Variants in ARID1A observed in about 807,000 individuals in gnomAD.
ARID1A encodes the protein AT-rich interactive domain-containing protein 1A.
In ARID1A, 20 loss-of-function variants were observed where a neutral mutation model predicts 212.6. The ratio of observed to expected loss-of-function variants is 0.09; its 90% CI spans 0.07 to 0.14. ARID1A has a LOEUF of 0.14. ARID1A is among the 10% of genes least tolerant of loss of function. The probability of loss-of-function intolerance (pLI) is 1.00; values close to 1 mark genes in which losing one functional copy is unlikely to be tolerated. For synonymous variants in ARID1A, 1,376 were observed against 1,222.1 expected (o/e 1.13, Z -2.63); for missense variants, 2,587 against 3,059.0 (o/e 0.85, Z 3.64).
chr1:26,712,162 C>T (rs918025014), intron 1 of ARID1A, among the ~76,000 whole-genome samples: 3 of 152,176 alleles, frequency 2.0e-5, no homozygotes, highest in African/African-American at 7.2e-5. Flanking sequence ...GAAAGTGATT[C>T]TTGAAAATGC....
intron 11 of ARID1A, chr1:26,769,625 C>G (rs952849462): frequency 6.6e-6 from 1 of 152,260 alleles, no homozygotes; most frequent in Admixed American, 6.5e-5. Context: ...CCCCTCTGTG[C>G]CTCTTTAAAC....
intron 1 of ARID1A, among the ~76,000 whole-genome samples, chr1:26,700,766 A>G (rs1401032034): frequency 1.3e-5 from 2 of 152,262 alleles, no homozygotes; most frequent in African/African-American, 4.8e-5. Context: ...CTACTGGCAG[A>G]AATTCTAGGC....
At chr1:26,738,771 C>G (rs2080758753) in intron 4 of ARID1A, among the ~76,000 whole-genome samples, 1 of 152,030 alleles carries the variant, frequency 6.6e-6, no homozygotes, top group Admixed American at 6.5e-5. Context: ...GTTGGCCAGG[C>G]TGGTTTCGAA....
chr1:26,696,843 C>G lies in ARID1A; in HGVS notation c.440C>G (p.Ala147Gly). 7.5e-7 allele frequency: 1 copy of G among 1,341,330 alleles called. No homozygotes were observed. 83.1% of individuals were successfully genotyped at this position (1,341,330 alleles called of 1,614,324 possible). Reference protein sequence around the residue: ...HSAAAALPPPAYGFGQPYGRS... With the variant: ...HSAAAALPPPGYGFGQPYGRS... Reference sequence around the variant, plus strand: ...GCCGCGGCCGCCTTGCCGCCCCCAGCCTACGGCTTCGGGCAACCCTACGGC... The same window carrying G: ...GCCGCGGCCGCCTTGCCGCCCCCAGGCTACGGCTTCGGGCAACCCTACGGC... Residue 147 changes from alanine to glycine, a missense_variant, in exon 1 of 20, where the codon GCC becomes GGC. Coordinates refer to ENST00000324856, the MANE Select transcript of ARID1A (RefSeq NM_006015.6).
At chr1:26,727,536 G>T (rs1336719855) in intron 1 of ARID1A, among the ~76,000 whole-genome samples, 1 of 152,194 alleles carries the variant, frequency 6.6e-6, no homozygotes, top group Non-Finnish European at 1.5e-5. Flanking sequence ...GTATACACCA[G>T]ACTCATTCAA....
rs2080656353 is a variant in ARID1A, at chr1:26,729,840, G to A, written c.1327G>A (p.Gly443Ser). 3 of 1,614,106 alleles carry A rather than the reference G, an allele frequency of 1.9e-6. No homozygotes were observed. In the African/African-American group the frequency reaches 4.0e-5, roughly 22 times the overall value. Residue 443 changes from glycine (G) to serine (S), a missense_variant, in exon 2 of 20, where the codon GGC becomes AGC. By Grantham distance (56) the Gly-to-Ser change is moderately conservative. This residue lies in a region of ARID1A where 674 missense variants were observed against 813.4 expected (regional missense o/e 0.83). Transcript: ENST00000324856. Reference sequence around the variant, plus strand: ...GCAGGGCCGGGCGCAGAGTGCCATGGGCGGCCTCTCTTATACACAGCAGGT... The same window carrying A: ...GCAGGGCCGGGCGCAGAGTGCCATGAGCGGCCTCTCTTATACACAGCAGGT... ...TMQGRAQSAM[G>S]GLSYTQQIPP...
chr1:26,748,608 C>CTTTTTT (rs36087588), intron 4 of ARID1A, among the ~76,000 whole-genome samples: 8 of 117,700 alleles, frequency 6.8e-5, no homozygotes, highest in Admixed American at 1.8e-4. Context: ...GACCCAGATT[C>CTTTTTT]TTTTTTTTTT....
intron 4 of ARID1A, among the ~76,000 whole-genome samples, chr1:26,736,902 CA>C (rs35005598): frequency 0.011 from 564 of 49,872 alleles, no homozygotes; most frequent in Middle Eastern, 0.037. Flanking sequence ...AATTCTGTCT[CA>C]AAAAAAAAAA....
chr1:26,776,175 T>C (rs1326101116), intron 19 of ARID1A, among the ~76,000 whole-genome samples: 1 of 152,014 alleles, frequency 6.6e-6, no homozygotes, highest in East Asian at 1.9e-4. Context: ...GCAGAGTATG[T>C]TTTTTCCATT....
rs1234952519 is a variant in ARID1A, at chr1:26,773,860, C to G, written c.4063C>G (p.Pro1355Ala). 8 of 1,614,088 alleles carry G rather than the reference C, an allele frequency of 5.0e-6. No individual in the cohort carries two copies. The highest frequency in any genetic ancestry group is 1.3e-5 in the African/African-American group (1 of 74,924). ...AGGCACCCCTTCTGGCAGCCCCTTC[C>G]CCAGCCAGCAGACTACAATGTATCA... ...TQGTPSGSPF[P>A]SQQTTMYQQQ... The change falls in exon 17 of 20, where the codon CCC (proline) becomes GCC (alanine). Residue 1355 changes from proline to alanine, a missense_variant. Around this residue, in one of 11 missense-constraint regions of ARID1A, gnomAD observed 890 missense variants for 1,098.2 expected, o/e 0.81. Transcript: ENST00000324856.
intron 4 of ARID1A, among the ~76,000 whole-genome samples, 197 bp from the exon 5 acceptor site, chr1:26,760,659 G>C (rs1477783253): frequency 6.6e-6 from 1 of 151,900 alleles, no homozygotes; most frequent in Non-Finnish European, 1.5e-5. Flanking sequence ...TTGCACTCCA[G>C]CCTGGGCAAC....
Position 26,711,550 on chromosome 1 carries a change from C to T in ARID1A, c.1137+14010C>T, listed in dbSNP as rs1347113778. 5.3e-5 allele frequency among the ~76,000 whole-genome samples: 8 copies of T among 152,276 alleles called. No homozygotes were observed. The East Asian group carries it at 1.5e-3, about 29-fold the overall frequency. On this transcript the variant is annotated intron_variant, in intron 1 of 19. Coordinates refer to ENST00000324856, the MANE Select transcript of ARID1A (RefSeq NM_006015.6). ...GTAACGTTGGAGGTTAGGGCTTCAA[C>T]ATTAATTTCAGGGTTTCATAAACAT...
chr1:26,696,349 G>T lies in ARID1A; in HGVS notation c.-55G>T, dbSNP rs544577091. 4.0e-3 allele frequency: 4,822 copies of T among 1,213,850 alleles called. 15 individuals are homozygous for T. Among genetic ancestry groups the T allele is most frequent in the Non-Finnish European group, 4.5e-3 (4,359 of 975,538 alleles). 75.2% of individuals were successfully genotyped at this position (1,213,850 alleles called of 1,614,324 possible). On this transcript the variant is annotated 5_prime_UTR_variant, in exon 1 of 20. Coordinates refer to ENST00000324856, the MANE Select transcript of ARID1A (RefSeq NM_006015.6). ...CTGGGCCCCGGGGCGGGGTGGGAGG[G>T]GGGGAGAAGACGAAGACAGGGCCGG...
intron 4 of ARID1A, among the ~76,000 whole-genome samples, chr1:26,734,343 C>CTTTTT (rs55976597): frequency 4.1e-5 from 5 of 121,472 alleles, no homozygotes; most frequent in Non-Finnish European, 5.1e-5. Context: ...TATTTGGCTT[C>CTTTTT]TTTTTTTTTT....
At chr1:26,764,334 T>G (rs1305525694) in intron 8 of ARID1A, 1 of 151,828 alleles carries the variant, frequency 6.6e-6, no homozygotes, top group Non-Finnish European at 1.5e-5. Context: ...CTTATTTTGA[T>G]GTGCAAAATA....
Position 26,761,111 on chromosome 1 carries a change from T to C in ARID1A, c.2161+15T>C, listed in dbSNP as rs755172905. 9 of 1,613,502 alleles carry C rather than the reference T, an allele frequency of 5.6e-6. No individual in the cohort carries two copies. The highest frequency in any genetic ancestry group is 7.6e-6 in the Non-Finnish European group (9 of 1,179,524). On this transcript the variant is annotated intron_variant, in intron 5 of 19. Transcript: ENST00000324856. ...TGCAGTGCCAGGTACCCTCAAGTGCTGGGCTTTAGGGAGAGGGAAAGGTGA... is the reference window on the plus strand; with the variant it reads ...TGCAGTGCCAGGTACCCTCAAGTGCCGGGCTTTAGGGAGAGGGAAAGGTGA...
chr1:26,722,348 C>T (rs1037953218), intron 1 of ARID1A, among the ~76,000 whole-genome samples: 10 of 152,000 alleles, frequency 6.6e-5, no homozygotes, highest in African/African-American at 2.2e-4. Flanking sequence ...CAGGTTCAAG[C>T]GATTCTCCTG....
chr1:26,697,441 G>T lies in ARID1A; in HGVS notation c.1038G>T (p.Ala346=). The T allele has an allele frequency of 7.4e-7, 1 of 1,355,802 alleles. No individual in the cohort carries two copies. Among genetic ancestry groups the T allele is most frequent in the South Asian group, 1.9e-5 (1 of 53,448 alleles). The allele number at this position is 1,355,802 out of a possible 1,614,324, so 84.0% of individuals were successfully genotyped here. A position where few individuals can be genotyped will look rare whatever the true frequency, so the allele number is the denominator to read the frequency against. ...GGGCTGCGGCGGCGGCAGCTGCGGC[G>T]GCGGCCGCCTCGGGAGGGGCCCAAC... ...CWGAAAAAAA[A]AAASGGAQQR... is the part of the protein sequence containing the mutation. The change falls in exon 1 of 20, where the codon GCG becomes GCT. Residue 346 remains alanine (A), a synonymous_variant. Transcript: ENST00000324856.
intron 1 of ARID1A, among the ~76,000 whole-genome samples, chr1:26,720,631 A>C (rs2080553805): frequency 6.6e-6 from 1 of 152,122 alleles, no homozygotes; most frequent in Non-Finnish European, 1.5e-5. Context: ...TAATCCCAGC[A>C]CTTTGGGAGG....
Sources: gnomAD v4.1 joint callset for allele counts (sites outside exome capture counted in the v4.1 genomes callset) on GRCh38, gnomAD v4.1.1 for gene constraint, gnomAD v4.1.1 regional missense constraint, MANE v1.5 for transcripts, NCBI Gene and HGNC (gene_info 2026-07-23, HGNC 2026-07-21) for gene names.